Variants in SLC12A1 observed in about 807,000 individuals in gnomAD.
SLC12A1 encodes the protein solute carrier family 12 member 1, also known as Na-K-2Cl cotransporter.
SLC12A1 carries 89 observed loss-of-function variants against 130.4 expected under a neutral mutation model. The observed-to-expected ratio is 0.68, with a 90% CI of 0.58 to 0.81. The LOEUF is 0.81. Among genes scored for constraint, SLC12A1 ranks in the 40% least tolerant of loss-of-function variants. The pLI, the probability that SLC12A1 is intolerant of heterozygous loss-of-function variation, is 0.00. For missense variants in SLC12A1, 1,310 were observed against 1,336.4 expected, an observed-to-expected ratio of 0.98 and a Z score of 0.31; for synonymous variants, 499 against 460.0, an observed-to-expected ratio of 1.08 and a Z score of -1.09.
At chr15:48,269,033 G>A (rs1184785475) in intron 18 of SLC12A1, among the ~76,000 whole-genome samples, 5 of 152,128 alleles carry the variant, frequency 3.3e-5, no homozygotes, top group African/African-American at 9.7e-5. Flanking sequence ...ACAAGACATA[G>A]CACTATGCAA....
chr15:48,285,297 A>G, intron 21 of SLC12A1, 48 bp downstream of exon 21: 1 of 1,589,216 alleles, frequency 6.3e-7, no homozygotes, highest in African/African-American at 1.3e-5. Flanking sequence ...ATGAGTCACT[A>G]TTTGAGCATC....
In SLC12A1 at chr15:48,284,082, GA is replaced by G. The variant is rs968688650; in HGVS notation, c.2486-1021del. ...GATAGTGTGTCTCAACCTTGGGCAG[GA>G]AATTTTGCACTGCTTGACTCCTGTT... On this transcript the variant is annotated intron_variant, in intron 20 of 26. Transcript: ENST00000380993. 2.8e-4 allele frequency among the ~76,000 whole-genome samples: 42 copies of G among 152,220 alleles called. 1 individual carries two copies. The highest frequency in any genetic ancestry group is 1.7e-3 in the Admixed American group (26 of 15,278).
At chr15:48,300,365 G>T (rs989045224) in intron 25 of SLC12A1, among the ~76,000 whole-genome samples, 5 of 151,904 alleles carry the variant, frequency 3.3e-5, no homozygotes, top group African/African-American at 1.2e-4. Context: ...AGGATAAATG[G>T]GTTAATCAAT....
chr15:48,249,007 G>C (rs1475773171), intron 13 of SLC12A1, among the ~76,000 whole-genome samples: 2 of 152,180 alleles, frequency 1.3e-5, no homozygotes, highest in Non-Finnish European at 2.9e-5. Flanking sequence ...TTGTGCCATT[G>C]CACTCCAGGG....
chr15:48,298,344 T>C (rs2042198934), intron 24 of SLC12A1, among the ~76,000 whole-genome samples: 3 of 152,222 alleles, frequency 2.0e-5, no homozygotes, highest in Admixed American at 6.5e-5. Flanking sequence ...TAAAAATAAA[T>C]CTTATGAGGT....
intron 9 of SLC12A1, among the ~76,000 whole-genome samples, chr15:48,235,507 T>C (rs1449815107): frequency 6.6e-6 from 1 of 152,128 alleles, no homozygotes; most frequent in East Asian, 1.9e-4. Context: ...CAGGTTTTAA[T>C]GCACAAAATC....
chr15:48,244,962 A>T, intron 11 of SLC12A1, 58 bp downstream of exon 11: 1 of 1,485,060 alleles, frequency 6.7e-7, no homozygotes, highest in Non-Finnish European at 9.4e-7. Flanking sequence ...TGAATGTCAC[A>T]TAGAGTAAGA....
At chr15:48,216,517 C>A (rs182047145) in intron 2 of SLC12A1, among the ~76,000 whole-genome samples, 44 of 152,240 alleles carry the variant, frequency 2.9e-4, no homozygotes, top group African/African-American at 1.1e-3. Flanking sequence ...GTTTTATTCC[C>A]AAGACCATCT....
intron 12 of SLC12A1, 40 bp downstream of exon 12, chr15:48,247,056 A>C: frequency 7.0e-7 from 1 of 1,427,894 alleles, no homozygotes; most frequent in Non-Finnish European, 9.9e-7. Flanking sequence ...CCCTATTGCT[A>C]TTTCCACAGA....
At chr15:48,280,360 T>C (rs527368172) in intron 20 of SLC12A1, among the ~76,000 whole-genome samples, 1 of 152,278 alleles carries the variant, frequency 6.6e-6, no homozygotes, top group African/African-American at 2.4e-5. Flanking sequence ...CTCTTAGTTA[T>C]TACTGTGAAA....
At chr15:48,259,565 T>C (rs542108494) in intron 17 of SLC12A1, among the ~76,000 whole-genome samples, 1 of 152,148 alleles carries the variant, frequency 6.6e-6, no homozygotes, top group Non-Finnish European at 1.5e-5. Flanking sequence ...ATGATGGCCT[T>C]TGAGTCAAGA....
intron 8 of SLC12A1, 39 bp downstream of exon 8, chr15:48,232,877 C>A: frequency 1.7e-6 from 2 of 1,160,042 alleles, no homozygotes; most frequent in South Asian, 2.5e-5. Context: ...TTAAATACTT[C>A]TCCATTGCCC....
intron 16 of SLC12A1, among the ~76,000 whole-genome samples, chr15:48,256,941 C>T (rs1270466235): frequency 6.6e-6 from 1 of 150,520 alleles, no homozygotes; most frequent in Non-Finnish European, 1.5e-5. Context: ...AAAGTCTCAT[C>T]TGAGACAAGG....
intron 10 of SLC12A1, among the ~76,000 whole-genome samples, 188 bp from the exon 11 acceptor site, chr15:48,244,564 AG>A (rs1367564822): frequency 6.6e-6 from 1 of 152,204 alleles, no homozygotes; most frequent in African/African-American, 2.4e-5. Context: ...TTGAAATGGC[AG>A]CCTGTTACAG....
chr15:48,232,287 T>C (rs532964309), intron 7 of SLC12A1, among the ~76,000 whole-genome samples: 33 of 152,326 alleles, frequency 2.2e-4, no homozygotes, highest in African/African-American at 6.3e-4. Flanking sequence ...GCACTGGGAA[T>C]CACAGGAATT....
At chr15:48,241,639 G>C (rs773462328) in intron 10 of SLC12A1, 40 bp downstream of exon 10, 1 of 1,413,586 alleles carries the variant, frequency 7.1e-7, no homozygotes, top group African/African-American at 1.4e-5. Context: ...TCAGAATTAC[G>C]AGGGGTCCAG....
At chr15:48,301,045 T>C (rs2042226708) in intron 25 of SLC12A1, among the ~76,000 whole-genome samples, 2 of 152,080 alleles carry the variant, frequency 1.3e-5, no homozygotes, top group Non-Finnish European at 2.9e-5. Context: ...TTCTTTTTAG[T>C]GTTATCTATG....
chr15:48,226,736 T>A lies in SLC12A1; in HGVS notation c.724+165T>A, dbSNP rs571524076. ...AAAACCTAAGGTACGATGAGAATAG[T>A]CCAGGTCTACTCTGGTCTCTTTTCT... On this transcript the variant is annotated intron_variant, in intron 5 of 26. Coordinates refer to ENST00000380993, the MANE Select transcript of SLC12A1 (RefSeq NM_000338.3). The A allele has an allele frequency of 2.4e-4, 156 of 652,360 alleles. No individual in the cohort carries two copies. In the African/African-American group the frequency reaches 2.6e-3, roughly 11 times the overall value. The allele number at this position is 652,360 out of a possible 1,614,324, so 40.4% of individuals were successfully genotyped here. A position where few individuals can be genotyped will look rare whatever the true frequency, so the allele number is the denominator to read the frequency against.
intron 11 of SLC12A1, 54 bp downstream of exon 11, chr15:48,244,958 T>C: frequency 6.6e-7 from 1 of 1,514,728 alleles, no homozygotes; most frequent in Non-Finnish European, 9.1e-7. Flanking sequence ...TTTTTGAATG[T>C]CACATAGAGT....
Sources: gnomAD v4.1 joint callset for allele counts (sites outside exome capture counted in the v4.1 genomes callset) on GRCh38, gnomAD v4.1.1 for gene constraint, MANE v1.5 for transcripts, NCBI Gene and HGNC (gene_info 2026-07-23, HGNC 2026-07-21) for gene names.